Variants in M1AP observed in about 807,000 individuals in gnomAD.
The protein encoded by M1AP is meiosis 1 associated protein.
A neutral mutation model predicts 51.2 loss-of-function variants in M1AP; 39 were observed. That is an observed-to-expected ratio of 0.76 (90% confidence interval 0.59 to 1.00). The LOEUF is 1.00. Ranked by LOEUF, M1AP falls within the 50% of genes least tolerant of loss-of-function variation. The pLI is 0.00. For missense variants in M1AP, 545 were observed against 641.2 expected (o/e 0.85, Z 1.62); for synonymous variants, 251 against 249.2 (o/e 1.01, Z -0.07).
chr2:74,591,921 G>A (rs1006314481), intron 4 of M1AP, among the ~76,000 whole-genome samples: 1 of 151,960 alleles, frequency 6.6e-6, no homozygotes, highest in Non-Finnish European at 1.5e-5. Flanking sequence ...GAGTAGCTGG[G>A]ATTACAGGCG....
intron 4 of M1AP, among the ~76,000 whole-genome samples, chr2:74,603,301 C>A (rs1311519924): frequency 6.6e-6 from 1 of 152,180 alleles, no homozygotes; most frequent in African/African-American, 2.4e-5. Context: ...ATGAGTAAGA[C>A]AAGTTTCTAA....
At chr2:74,604,199 G>A (rs988445943) in intron 4 of M1AP, among the ~76,000 whole-genome samples, 2 of 152,220 alleles carry the variant, frequency 1.3e-5, no homozygotes, top group African/African-American at 2.4e-5. Context: ...CTGCCTGACA[G>A]GCTCTGGTGT....
chr2:74,642,682 A>G (rs1454475003), intron 1 of M1AP, among the ~76,000 whole-genome samples: 1 of 152,240 alleles, frequency 6.6e-6, no homozygotes, highest in East Asian at 1.9e-4. Context: ...ATGATTGTGT[A>G]TATAGAAAAT....
At chr2:74,577,987 G>A (rs1679176731) in intron 5 of M1AP, among the ~76,000 whole-genome samples, 1 of 152,212 alleles carries the variant, frequency 6.6e-6, no homozygotes, top group Admixed American at 6.5e-5. Flanking sequence ...GCATTAGTTA[G>A]ATTCTCATAA....
At chr2:74,601,519 A>ATGCCTCTATAATGTT (rs566843055) in intron 4 of M1AP, among the ~76,000 whole-genome samples, 1 of 152,166 alleles carries the variant, frequency 6.6e-6, no homozygotes, top group Non-Finnish European at 1.5e-5. Flanking sequence ...TGTCTCTATT[A>ATGCCTCTATAATGTT]TGCCTCTATA....
chr2:74,627,926 T>C (rs1682492640), intron 2 of M1AP, among the ~76,000 whole-genome samples: 4 of 152,304 alleles, frequency 2.6e-5, no homozygotes, highest in South Asian at 4.1e-4. Context: ...AGAAATAATA[T>C]ATAAACACAT....
intron 2 of M1AP, among the ~76,000 whole-genome samples, chr2:74,639,499 C>A (rs977585490): frequency 2.6e-5 from 4 of 152,208 alleles, no homozygotes; most frequent in African/African-American, 9.6e-5. Context: ...AAAGACACTG[C>A]CCCTGGCCCA....
At chr2:74,569,377 CTTTT>C (rs1196526014) in intron 7 of M1AP, among the ~76,000 whole-genome samples, 9 of 128,684 alleles carry the variant, frequency 7.0e-5, no homozygotes, top group African/African-American at 2.2e-4. Flanking sequence ...CCTCACTCTA[CTTTT>C]TTTTTTTTTT....
At position 74,575,554 on chromosome 2, in the gene M1AP, C is replaced by T. The variant is rs748666857; in HGVS notation, c.958G>A (p.Glu320Lys). 1.4e-5 allele frequency: 23 copies of T among 1,613,972 alleles called. No individual in the cohort carries two copies. The highest frequency in any genetic ancestry group is 5.0e-5 in the Admixed American group (3 of 60,000). ...AACGGGAGTCCATATGTCAATGACT[C>T]GCAGAGCCCGCTAGATTTTAAAGCC... ...IKALKSSGLC[E>K]SLTYGLPFIL... The change falls in exon 7 of 11, where the codon GAG (glutamate) becomes AAG (lysine). Residue 320 changes from glutamate to lysine, a missense_variant. Coordinates refer to ENST00000421985, the MANE Select transcript of M1AP (RefSeq NM_001321739.2).
intron 4 of M1AP, among the ~76,000 whole-genome samples, chr2:74,586,256 C>T (rs1465680344): frequency 6.6e-6 from 1 of 152,194 alleles, no homozygotes; most frequent in Non-Finnish European, 1.5e-5. Context: ...TGATCTCTCC[C>T]ATTTAAATGT....
intron 7 of M1AP, 88 bp from the exon 8 acceptor site, chr2:74,562,511 C>T: frequency 6.8e-7 from 1 of 1,465,540 alleles, no homozygotes; most frequent in South Asian, 1.3e-5. Flanking sequence ...TCCCTGACTT[C>T]CAGGGGTGCT....
At chr2:74,561,217 A>AAGGAGGAGGAGGAGG (rs1558643914) in intron 8 of M1AP, among the ~76,000 whole-genome samples, 1 of 24,734 alleles carries the variant, frequency 4.0e-5, no homozygotes. Context: ...GGAGGAGGAG[A>AAGGAGGAGGAGGAGG]AGGAGGAGGA....
chr2:74,630,363 C>T (rs747820408), intron 2 of M1AP, among the ~76,000 whole-genome samples: 3 of 152,156 alleles, frequency 2.0e-5, no homozygotes, highest in Non-Finnish European at 4.4e-5. Context: ...GATACATGTG[C>T]AGAACGTGCA....
At chr2:74,597,488 C>A (rs1006912375) in intron 4 of M1AP, among the ~76,000 whole-genome samples, 4 of 152,130 alleles carry the variant, frequency 2.6e-5, no homozygotes, top group African/African-American at 9.7e-5. Flanking sequence ...CCACCCCCAG[C>A]CCTTTTTTCT....
At chr2:74,564,684 G>GAAATA (rs1464457480) in intron 7 of M1AP, among the ~76,000 whole-genome samples, 1 of 152,102 alleles carries the variant, frequency 6.6e-6, no homozygotes, top group Non-Finnish European at 1.5e-5. Context: ...CATCATGTTG[G>GAAATA]AAATAAATGG....
rs1573047006 is a variant in M1AP at position 74,558,639 on chromosome 2, C to G, written c.*77G>C. 4 of 1,552,600 alleles carry G rather than the reference C, an allele frequency of 2.6e-6. No homozygotes were observed. The East Asian group carries it at 9.3e-5, about 36-fold the overall frequency. ...AGGCTCAGGCGGATAGAGAGCAAGT[C>G]TGACCACAGATAGCCATTATGTGAA... On this transcript the variant is annotated 3_prime_UTR_variant, in exon 11 of 11. Transcript: ENST00000421985.
chr2:74,565,501 CA>C (rs764842620), intron 7 of M1AP, among the ~76,000 whole-genome samples: 5 of 152,004 alleles, frequency 3.3e-5, no homozygotes, highest in Admixed American at 1.3e-4. Context: ...GAATAAAGAA[CA>C]AAAACTACAT....
intron 5 of M1AP, among the ~76,000 whole-genome samples, chr2:74,580,581 C>T (rs936362847): frequency 3.3e-5 from 5 of 152,112 alleles, no homozygotes; most frequent in African/African-American, 1.2e-4. Context: ...CTCCAAAAAG[C>T]CCTCCCCTGT....
At chr2:74,643,645 C>T (rs78660073) in intron 1 of M1AP, among the ~76,000 whole-genome samples, 2,212 of 148,434 alleles carry the variant, frequency 0.015, 54 homozygotes, top group African/African-American at 0.052. Flanking sequence ...GGCTGGAGTG[C>T]AGCAGTGGCC....
Sources: allele counts gnomAD v4.1 joint callset (sites outside exome capture counted in the v4.1 genomes callset), GRCh38; gene constraint gnomAD v4.1.1; transcripts MANE v1.5; gene names NCBI Gene and HGNC (gene_info 2026-07-23, HGNC 2026-07-21).